Variants in LGMN observed in about 807,000 individuals in gnomAD.
The protein encoded by LGMN is legumain.
Under a neutral mutation model 56.8 loss-of-function variants are expected in LGMN, and 36 were observed. That is an observed-to-expected ratio of 0.63 (90% CI 0.49 to 0.84). The LOEUF is 0.84. Among genes scored for constraint, LGMN ranks in the 40% least tolerant of loss-of-function variants. The pLI is 0.00. For missense variants in LGMN, 446 were observed against 556.1 expected, an observed-to-expected ratio of 0.80 and a Z score of 1.99; for synonymous variants, 199 against 210.1, an observed-to-expected ratio of 0.95 and a Z score of 0.46.
intron 12 of LGMN, chr14:92,705,042 G>A: frequency 3.6e-6 from 1 of 280,420 alleles, no homozygotes; most frequent in African/African-American, 2.1e-5. Flanking sequence ...GATTCTGGGA[G>A]GGACACGCCA....
chr14:92,716,045 G>A, intron 5 of LGMN, 91 bp downstream of exon 5: 1 of 845,716 alleles, frequency 1.2e-6, no homozygotes, highest in South Asian at 1.6e-5. Context: ...CAGGTAAACA[G>A]GCTAGGGGCA....
chr14:92,719,303 C>T (rs1595541155), intron 2 of LGMN, among the ~76,000 whole-genome samples: 1 of 78,670 alleles, frequency 1.3e-5, no homozygotes, highest in African/African-American at 5.7e-5. Context: ...GCCGCCGCCA[C>T]CGCCGCCACC....
rs567868591 is a variant in LGMN, at chr14:92,718,155, A to G, written c.236+592T>C. ...GCCTGCTCGGAGCTTAGGAGCAAGC[A>G]CCATAGAATCCAACAAGTCCTCGAA... is the stretch of plus-strand genomic sequence containing the variant. On this transcript the variant is annotated intron_variant, in intron 3 of 13. Transcript: ENST00000334869. Among the ~76,000 whole-genome samples the G allele has an allele frequency of 4.6e-5, 7 of 152,356 alleles. No individual in the cohort carries two copies. In the East Asian group the frequency reaches 1.3e-3, roughly 29 times the overall value.
chr14:92,706,526 A>C lies in LGMN; in HGVS notation c.1148T>G (p.Leu383Arg), dbSNP rs1889436584. The C allele has an allele frequency of 6.3e-7, 1 of 1,587,580 alleles. No individual in the cohort carries two copies. The highest frequency in any genetic ancestry group is 8.6e-7 in the Non-Finnish European group (1 of 1,159,372). The change falls in exon 12 of 14, where the codon CTG (leucine) becomes CGG (arginine). Residue 383 changes from leucine to arginine, a missense_variant. By Grantham distance (102) the Leu-to-Arg change is moderately radical. Transcript: ENST00000334869. Reference sequence around the variant, plus strand: ...GAAGCAGTGGGTCCGGAAGTGCAGCAGGGCCTCTGGGTAGCAGCTGTGCCC... The same window carrying C: ...GAAGCAGTGGGTCCGGAAGTGCAGCCGGGCCTCTGGGTAGCAGCTGTGCCC... ...LTGHSCYPEA[L>R]LHFRTHCFNW...
rs957698362 is a variant in LGMN, at chr14:92,711,938, C to G, written c.628G>C (p.Ala210Pro). Residue 210 changes from alanine to proline, a missense_variant, in exon 9 of 14, where the codon GCC (alanine) becomes CCC (proline). Ala to Pro is a conservative substitution (Grantham distance 27). Coordinates refer to ENST00000334869, the MANE Select transcript of LGMN (RefSeq NM_005606.7). ...DNINVYATTAANPRESSYACY... is the reference protein window; with the variant it reads ...DNINVYATTAPNPRESSYACY... ...GCGTAGGACGACTCTCTGGGGTTGG[C>G]AGCAGTAGTTGCATAAACTACGAGG... 6.2e-7 allele frequency: 1 copy of G among 1,613,444 alleles called. No individual in the cohort carries two copies. The highest frequency in any genetic ancestry group is 8.5e-7 in the Non-Finnish European group (1 of 1,179,388).
At chr14:92,716,273 G>A (rs758801785) in intron 4 of LGMN, 52 bp from the exon 5 acceptor site, 4 of 1,332,632 alleles carry the variant, frequency 3.0e-6, no homozygotes, top group African/African-American at 2.9e-5. Flanking sequence ...CCAACCCAGA[G>A]AGTTGGCTGA....
chr14:92,741,801 T>A (rs1056790124), intron 1 of LGMN: 1 of 152,310 alleles, frequency 6.6e-6, no homozygotes, highest in Non-Finnish European at 1.5e-5. Flanking sequence ...AAGCAGCGGT[T>A]GCAGTGAGCT....
At chr14:92,721,891 T>C (rs1566926339) in intron 2 of LGMN, among the ~76,000 whole-genome samples, 1 of 152,098 alleles carries the variant, frequency 6.6e-6, no homozygotes, top group Non-Finnish European at 1.5e-5. Flanking sequence ...CCTGAATCTA[T>C]AAAAACTTTT....
chr14:92,728,590 A>T (rs1011662489), intron 2 of LGMN, among the ~76,000 whole-genome samples: 2 of 152,252 alleles, frequency 1.3e-5, no homozygotes, highest in Non-Finnish European at 2.9e-5. Context: ...ATGACTAATT[A>T]CAAATGACCT....
At chr14:92,705,548 G>A (rs1158266390) in intron 12 of LGMN, among the ~76,000 whole-genome samples, 3 of 151,960 alleles carry the variant, frequency 2.0e-5, no homozygotes, top group Non-Finnish European at 4.4e-5. Flanking sequence ...GGGTAAAGTC[G>A]AGCTACCTTA....
intron 2 of LGMN, among the ~76,000 whole-genome samples, chr14:92,720,422 C>A (rs1488261481): frequency 6.6e-6 from 1 of 152,202 alleles, no homozygotes; most frequent in Non-Finnish European, 1.5e-5. Flanking sequence ...AATCCCAGCA[C>A]TTTGGGAGGC....
chr14:92,732,338 A>G (rs1261529956), intron 2 of LGMN: 4 of 292,710 alleles, frequency 1.4e-5, no homozygotes, highest in Non-Finnish European at 2.6e-5. Context: ...CCAACAACCA[A>G]GAATGACCTG....
At chr14:92,721,654 G>A (rs1188049487) in intron 2 of LGMN, among the ~76,000 whole-genome samples, 1 of 152,136 alleles carries the variant, frequency 6.6e-6, no homozygotes, top group Non-Finnish European at 1.5e-5. Context: ...TAGCCATATA[G>A]CCTAGCAAAA....
chr14:92,706,634 T>C lies in LGMN; in HGVS notation c.1040A>G (p.Lys347Arg). ...RHLDARHLIE[K>R]SVRKIVSLLA... ...CAAGGAGACGATCTTACGCACTGACTTCTCAATGAGGTGCCTGGCCTGGGG... is the reference window on the plus strand; with the variant it reads ...CAAGGAGACGATCTTACGCACTGACCTCTCAATGAGGTGCCTGGCCTGGGG... The change falls in exon 12 of 14, where the codon AAG becomes AGG. Residue 347 changes from lysine (K) to arginine (R), a missense_variant. Transcript: ENST00000334869. 1 of 1,588,380 alleles carries C rather than the reference T, an allele frequency of 6.3e-7. No homozygotes were observed.
chr14:92,707,259 A>AC (rs1889485235), intron 11 of LGMN, among the ~76,000 whole-genome samples: 1 of 151,350 alleles, frequency 6.6e-6, no homozygotes, highest in East Asian at 1.9e-4. Context: ...TAAAAAAAAA[A>AC]AAAACCTTCA....
intron 2 of LGMN, among the ~76,000 whole-genome samples, chr14:92,720,750 C>T (rs1364568876): frequency 6.6e-6 from 1 of 151,862 alleles, no homozygotes; most frequent in East Asian, 2.0e-4. Context: ...CTGAAGCCTG[C>T]ACTACATTAC....
In LGMN at chr14:92,706,636, C is replaced by A. The variant is rs1216273643; in HGVS notation, c.1038G>T (p.Glu346Asp). The A allele has an allele frequency of 6.3e-7, 1 of 1,586,886 alleles. No homozygotes were observed. Among genetic ancestry groups the A allele is most frequent in the Non-Finnish European group, 8.6e-7 (1 of 1,158,684 alleles). The change falls in exon 12 of 14, where the codon GAG (glutamate) becomes GAT (aspartate). Residue 346 changes from glutamate (E) to aspartate (D), a missense_variant. By Grantham distance (45) the Glu-to-Asp change is conservative (BLOSUM62 2). Coordinates refer to ENST00000334869, the MANE Select transcript of LGMN (RefSeq NM_005606.7). ...QRHLDARHLI[E>D]KSVRKIVSLL... is the part of the protein sequence containing the mutation. Reference sequence around the variant, plus strand: ...AGGAGACGATCTTACGCACTGACTTCTCAATGAGGTGCCTGGCCTGGGGAG... The same window carrying A: ...AGGAGACGATCTTACGCACTGACTTATCAATGAGGTGCCTGGCCTGGGGAG...
chr14:92,739,040 A>C (rs909173714), intron 1 of LGMN, among the ~76,000 whole-genome samples: 18 of 151,856 alleles, frequency 1.2e-4, no homozygotes, highest in East Asian at 5.8e-4. Flanking sequence ...AACAAAAAAA[A>C]CCCCACATAC....
At chr14:92,725,394 A>AT (rs1430172720) in intron 2 of LGMN, among the ~76,000 whole-genome samples, 3 of 151,966 alleles carry the variant, frequency 2.0e-5, no homozygotes, top group African/African-American at 7.3e-5. Context: ...ATAAAAAAAA[A>AT]TTTTTAACTA....
Sources: allele counts gnomAD v4.1 joint callset (sites outside exome capture counted in the v4.1 genomes callset), GRCh38; gene constraint gnomAD v4.1.1; transcripts MANE v1.5; gene names NCBI Gene and HGNC (gene_info 2026-07-23, HGNC 2026-07-21).